The following SKIC3 variants were observed in gnomAD, a reference collection of about 807,000 sequenced individuals.
The protein encoded by SKIC3 is superkiller complex protein 3.
At chr5:95,489,229 A>C in the SKIC3 span, among the ~76,000 whole-genome samples, 1 of 152,090 alleles carries the variant, frequency 6.6e-6, no homozygotes, top group Non-Finnish European at 1.5e-5. Flanking sequence ...ACTTGAGCCC[A>C]GGAGTTTGAG....
the SKIC3 span, among the ~76,000 whole-genome samples, chr5:95,485,804 C>T: frequency 2.0e-5 from 3 of 152,088 alleles, no homozygotes; most frequent in Non-Finnish European, 4.4e-5. Context: ...AACCAAATAG[C>T]AAGTAGATAA....
chr5:95,534,256 G>C, the SKIC3 span, among the ~76,000 whole-genome samples: 96 of 150,400 alleles, frequency 6.4e-4, no homozygotes, highest in Non-Finnish European at 1.2e-3. Flanking sequence ...TATGCTCCTT[G>C]TGCTTGATGT....
chr5:95,470,682 G>T, the SKIC3 span, among the ~76,000 whole-genome samples: 1 of 151,876 alleles, frequency 6.6e-6, no homozygotes, highest in Non-Finnish European at 1.5e-5. Context: ...AGAGATAAAG[G>T]TATTAAATCA....
the SKIC3 span, among the ~76,000 whole-genome samples, chr5:95,477,923 A>C: frequency 6.6e-6 from 1 of 152,226 alleles, no homozygotes; most frequent in South Asian, 2.1e-4. Flanking sequence ...TCCCTCTTAG[A>C]GAATGTTGAA....
chr5:95,484,649 A>G, the SKIC3 span: 1 of 1,604,636 alleles, frequency 6.2e-7, no homozygotes. Context: ...ATCTAGCCTC[A>G]TACATTCCAT....
the SKIC3 span, chr5:95,478,187 A>C: frequency 7.3e-7 from 1 of 1,369,172 alleles, no homozygotes; most frequent in Admixed American, 2.1e-5. Context: ...GAACACAATG[A>C]AACAACAGGA....
the SKIC3 span, chr5:95,522,431 G>T: frequency 9.1e-7 from 1 of 1,094,598 alleles, no homozygotes. Context: ...TTATAAAAGT[G>T]CTATTTAAAG....
At chr5:95,481,716 T>C in the SKIC3 span, among the ~76,000 whole-genome samples, 30 of 152,068 alleles carry the variant, frequency 2.0e-4, no homozygotes, top group Admixed American at 5.9e-4. Flanking sequence ...GAAAAAAGAA[T>C]TACAGTAAAA....
At chr5:95,513,396 AG>A in the SKIC3 span, 1 of 651,564 alleles carries the variant, frequency 1.5e-6, no homozygotes, top group Non-Finnish European at 2.7e-6. Flanking sequence ...TTTAAGAGAC[AG>A]GGTCTTGCTA....
chr5:95,494,821 T>C, the SKIC3 span: 3 of 1,611,930 alleles, frequency 1.9e-6, no homozygotes, highest in East Asian at 4.5e-5. Context: ...TGTTAGCCAA[T>C]TTTCCTGATA....
the SKIC3 span, among the ~76,000 whole-genome samples, chr5:95,488,702 C>A: frequency 9.8e-3 from 1,492 of 152,076 alleles, 24 homozygotes; most frequent in African/African-American, 0.034. Flanking sequence ...AGAGAACAGA[C>A]AACATTTACC....
chr5:95,527,989 A>G, the SKIC3 span: 12 of 1,613,168 alleles, frequency 7.4e-6, no homozygotes, highest in East Asian at 8.9e-5. Context: ...ACTAGAGTTG[A>G]AGAAAAAAAC....
the SKIC3 span, among the ~76,000 whole-genome samples, chr5:95,484,534 A>G: frequency 3.3e-5 from 5 of 151,840 alleles, no homozygotes; most frequent in African/African-American, 4.8e-5. Context: ...TTTTGTAGAG[A>G]CAGCCTCTCG....
chr5:95,498,348 G>A, the SKIC3 span: 1 of 1,610,040 alleles, frequency 6.2e-7, no homozygotes, highest in Non-Finnish European at 8.5e-7. Context: ...TTAGGTTCCA[G>A]GTTCACAAAT....
chr5:95,537,526 C>A, the SKIC3 span, among the ~76,000 whole-genome samples: 6 of 152,192 alleles, frequency 3.9e-5, no homozygotes, highest in Non-Finnish European at 7.4e-5. Context: ...GAAGTATCTT[C>A]AATGATAGCA....
chr5:95,465,583 C>T, the SKIC3 span, among the ~76,000 whole-genome samples: 1 of 152,178 alleles, frequency 6.6e-6, no homozygotes, highest in African/African-American at 2.4e-5. Flanking sequence ...TAGATACTGC[C>T]AGAAGATACA....
the SKIC3 span, among the ~76,000 whole-genome samples, chr5:95,476,119 A>T: frequency 9.2e-5 from 14 of 152,346 alleles, no homozygotes; most frequent in South Asian, 2.1e-4. Context: ...AAAGGGAGGC[A>T]TGCCCCACTC....
the SKIC3 span, chr5:95,469,967 T>C: frequency 3.2e-6 from 5 of 1,586,376 alleles, no homozygotes; most frequent in African/African-American, 4.1e-5. Flanking sequence ...ATTTGAAAAG[T>C]ATTCAATTCA....
the SKIC3 span, chr5:95,541,372 T>C: frequency 1.4e-5 from 23 of 1,613,448 alleles, no homozygotes; most frequent in Non-Finnish European, 1.9e-5. Flanking sequence ...CCACTTCTGC[T>C]TGTCAACACT....
Sources: allele counts gnomAD v4.1 joint callset (sites outside exome capture counted in the v4.1 genomes callset), GRCh38; gene constraint gnomAD v4.1.1; transcripts MANE v1.5; gene names NCBI Gene and HGNC (gene_info 2026-07-23, HGNC 2026-07-21).